Variants in ZEB1 observed in about 807,000 individuals in gnomAD.
The protein encoded by ZEB1 is zinc finger E-box binding homeobox 1, also known as zinc finger E-box-binding homeobox 1.
In ZEB1, 21 loss-of-function variants were observed where a neutral mutation model predicts 84.9. The ratio of observed to expected loss-of-function variants is 0.25; its 90% CI spans 0.18 to 0.36. The LOEUF is 0.36. Ranked by LOEUF, ZEB1 falls within the 10% of genes least tolerant of loss-of-function variation. ZEB1 has a pLI of 1.00. For synonymous variants in ZEB1, 420 were observed against 471.1 expected, an observed-to-expected ratio of 0.89 and a Z score of 1.41; for missense variants, 1,104 against 1,330.2, an observed-to-expected ratio of 0.83 and a Z score of 2.65.
At chr10:31,505,667 G>A (rs2139351320) in intron 4 of ZEB1, among the ~76,000 whole-genome samples, 1 of 151,696 alleles carries the variant, frequency 6.6e-6, no homozygotes, top group East Asian at 1.9e-4. Flanking sequence ...CTAGCTAGTG[G>A]TTTATCAGTT....
At chr10:31,429,617 A>G (rs1223419091) in intron 1 of ZEB1, among the ~76,000 whole-genome samples, 1 of 151,928 alleles carries the variant, frequency 6.6e-6, no homozygotes, top group African/African-American at 2.4e-5. Flanking sequence ...AATCTGCACA[A>G]CAAACCCTCA....
intron 2 of ZEB1, among the ~76,000 whole-genome samples, chr10:31,482,487 G>A (rs1476030000): frequency 6.6e-6 from 1 of 151,010 alleles, no homozygotes; most frequent in Non-Finnish European, 1.5e-5. Context: ...AAAAAAAAAA[G>A]GATTATTAGT....
At chr10:31,363,027 T>C (rs575884106) in intron 1 of ZEB1, 2 of 1,533,806 alleles carry the variant, frequency 1.3e-6, no homozygotes, top group African/African-American at 2.7e-5. Flanking sequence ...CACACCTCAG[T>C]TGCAGGGGAG....
At chr10:31,507,449 C>A (rs1591967815) in intron 4 of ZEB1, among the ~76,000 whole-genome samples, 1 of 152,124 alleles carries the variant, frequency 6.6e-6, no homozygotes, top group East Asian at 1.9e-4. Flanking sequence ...TTCCTCTTTG[C>A]CTTATAACAC....
rs545226559 is a variant in ZEB1 at position 31,527,684 on chromosome 10, A to C, written c.*420A>C. 3.7e-4 allele frequency: 60 copies of C among 162,378 alleles called. No individual in the cohort carries two copies. The highest frequency in any genetic ancestry group is 5.2e-4 in the Non-Finnish European group (38 of 73,354). The allele number at this position is 162,378 out of a possible 1,614,324, so 10.1% of individuals were successfully genotyped here. ...ATTCTTAAGCTGTACAATTGGGAGA[A>C]ATTTTATAATTTTTTATTGGTAAAC... is the stretch of plus-strand genomic sequence containing the variant. On this transcript the variant is annotated 3_prime_UTR_variant, in exon 9 of 9. Coordinates refer to ENST00000424869, the MANE Select transcript of ZEB1 (RefSeq NM_001174096.2).
At chr10:31,382,311 A>G (rs1317146963) in intron 1 of ZEB1, among the ~76,000 whole-genome samples, 5 of 152,148 alleles carry the variant, frequency 3.3e-5, no homozygotes, top group East Asian at 1.9e-4. Context: ...CATGCTATCT[A>G]TGTTCATTCT....
At chr10:31,362,775 G>A (rs1032441168) in intron 1 of ZEB1, 31 of 664,484 alleles carry the variant, frequency 4.7e-5, no homozygotes, top group Middle Eastern at 4.1e-4. Context: ...TGATCCGCCC[G>A]CCTGGGCCTC....
At chr10:31,403,132 C>A (rs763467581) in intron 1 of ZEB1, among the ~76,000 whole-genome samples, 16 of 152,062 alleles carry the variant, frequency 1.1e-4, no homozygotes, top group Non-Finnish European at 2.1e-4. Flanking sequence ...ACTCTACTAG[C>A]TGTGTAACCT....
At chr10:31,388,589 G>C (rs968076504) in intron 1 of ZEB1, among the ~76,000 whole-genome samples, 19 of 152,072 alleles carry the variant, frequency 1.2e-4, no homozygotes, top group African/African-American at 4.6e-4. Flanking sequence ...AAATGGTCGA[G>C]GAGTTAGAAC....
At chr10:31,373,283 A>ATTATGT in intron 1 of ZEB1, 1 of 954,130 alleles carries the variant, frequency 1.0e-6, no homozygotes, top group Non-Finnish European at 1.2e-6. Flanking sequence ...GGACATAATG[A>ATTATGT]CAAGTGTTTG....
intron 1 of ZEB1, 126 bp downstream of exon 1, chr10:31,319,418 G>C (rs919073935): frequency 1.6e-5 from 14 of 880,558 alleles, no homozygotes; most frequent in Middle Eastern, 3.3e-4. Context: ...AGTGGAGTGG[G>C]AAAGTAGAAA....
chr10:31,387,267 G>A, intron 1 of ZEB1: 1 of 985,734 alleles, frequency 1.0e-6, no homozygotes, highest in Non-Finnish European at 1.2e-6. Flanking sequence ...TTCTCTAAAG[G>A]TAAGCACTGT....
At chr10:31,373,289 GT>G in intron 1 of ZEB1, 1 of 934,056 alleles carries the variant, frequency 1.1e-6, no homozygotes, top group Non-Finnish European at 1.3e-6. Flanking sequence ...AATGACAAGT[GT>G]TTGAATTTTA....
chr10:31,327,606 A>C (rs929994270), intron 1 of ZEB1, among the ~76,000 whole-genome samples: 7 of 152,026 alleles, frequency 4.6e-5, no homozygotes, highest in Non-Finnish European at 7.4e-5. Flanking sequence ...ACATCCTCCT[A>C]CGTGTTGCTA....
At chr10:31,445,228 G>C (rs1409898617) in intron 1 of ZEB1, among the ~76,000 whole-genome samples, 1 of 148,284 alleles carries the variant, frequency 6.7e-6, no homozygotes, top group Non-Finnish European at 1.5e-5. Flanking sequence ...TCTGTTGTTG[G>C]TGTATAAGAA....
intron 1 of ZEB1, among the ~76,000 whole-genome samples, chr10:31,383,537 AT>A (rs1030908100): frequency 6.6e-6 from 1 of 152,178 alleles, no homozygotes; most frequent in Admixed American, 6.5e-5. Context: ...GAAATAGGTA[AT>A]TTTTTTAAAA....
At chr10:31,378,613 T>C (rs905836962) in intron 1 of ZEB1, among the ~76,000 whole-genome samples, 10 of 151,762 alleles carry the variant, frequency 6.6e-5, no homozygotes, top group Admixed American at 2.0e-4. Context: ...TATAAGAAAA[T>C]TCAATTAGCG....
chr10:31,363,967 C>T lies in ZEB1; in HGVS notation c.58+44675C>T, dbSNP rs567460090. 6.2e-5 allele frequency: 80 copies of T among 1,291,486 alleles called. No individual in the cohort carries two copies. In the African/African-American group the frequency reaches 6.4e-4, roughly 10 times the overall value. 80.0% of individuals were successfully genotyped at this position (1,291,486 alleles called of 1,614,324 possible). A position where few individuals can be genotyped will look rare whatever the true frequency, so the allele number is the denominator to read the frequency against. ...AGCCCGGCCAGCTGGGAAGGCCTCACGGACAAGACGAGCAGGTTGCCGATG... is the reference window on the plus strand; with the variant it reads ...AGCCCGGCCAGCTGGGAAGGCCTCATGGACAAGACGAGCAGGTTGCCGATG... On this transcript the variant is annotated intron_variant, in intron 1 of 8. Transcript: ENST00000424869.
In ZEB1 at chr10:31,529,332, C is replaced by G. The variant is rs1228084926; in HGVS notation, c.*2068C>G. ...CACTAAATGTTTTAGACATTCTCCA[C>G]TAAATTATGGATTTTCTTGTGGCTA... On this transcript the variant is annotated 3_prime_UTR_variant, in exon 9 of 9. Transcript: ENST00000424869. The G allele has an allele frequency of 6.6e-6, 1 of 152,240 alleles. No homozygotes were observed. Among genetic ancestry groups the G allele is most frequent in the Non-Finnish European group, 1.5e-5 (1 of 68,048 alleles). 9.4% of individuals were successfully genotyped at this position (152,240 alleles called of 1,614,324 possible).
Sources: gnomAD v4.1 joint callset for allele counts (sites outside exome capture counted in the v4.1 genomes callset) on GRCh38, gnomAD v4.1.1 for gene constraint, MANE v1.5 for transcripts, NCBI Gene and HGNC (gene_info 2026-07-23, HGNC 2026-07-21) for gene names.